Variants in CPE observed in about 807,000 individuals in gnomAD.
CPE encodes carboxypeptidase E.
A neutral mutation model predicts 53.5 loss-of-function variants in CPE; 17 were observed. The ratio of observed to expected loss-of-function variants is 0.32; its 90% CI spans 0.22 to 0.48. The LOEUF (loss-of-function observed/expected upper bound fraction) is 0.48. Among genes scored for constraint, CPE ranks in the 20% least tolerant of loss-of-function variants. The pLI is 0.99. For synonymous variants in CPE, 226 were observed against 228.8 expected, an observed-to-expected ratio of 0.99 and a Z score of 0.11; for missense variants, 524 against 614.7, an observed-to-expected ratio of 0.85 and a Z score of 1.56.
intron 3 of CPE, among the ~76,000 whole-genome samples, chr4:165,471,261 T>G (rs1055806791): frequency 6.6e-6 from 1 of 152,178 alleles, no homozygotes; most frequent in Non-Finnish European, 1.5e-5. Context: ...TACCCATTCC[T>G]CTTGTTTCTT....
intron 8 of CPE, among the ~76,000 whole-genome samples, chr4:165,497,082 C>T (rs1390068044): frequency 4.6e-5 from 7 of 152,008 alleles, no homozygotes; most frequent in African/African-American, 9.7e-5. Flanking sequence ...CCACCGTGCC[C>T]GGCTAATTTT....
intron 3 of CPE, among the ~76,000 whole-genome samples, chr4:165,473,493 A>G (rs181326144): frequency 3.9e-4 from 59 of 152,324 alleles, no homozygotes; most frequent in African/African-American, 1.3e-3. Flanking sequence ...CCCTCAAGAG[A>G]TTGCTCAGTT....
intron 1 of CPE, among the ~76,000 whole-genome samples, chr4:165,384,816 AG>A (rs1363501034): frequency 6.6e-6 from 1 of 152,188 alleles, no homozygotes; most frequent in Non-Finnish European, 1.5e-5. Flanking sequence ...CTTCAGGGGT[AG>A]GGAACATATG....
intron 6 of CPE, among the ~76,000 whole-genome samples, chr4:165,492,642 G>T (rs973280356): frequency 1.1e-4 from 17 of 152,150 alleles, no homozygotes; most frequent in African/African-American, 4.1e-4. Context: ...CAAGCAGGGG[G>T]TACGTGACTG....
At chr4:165,397,815 A>G (rs1393455497) in intron 1 of CPE, among the ~76,000 whole-genome samples, 1 of 151,782 alleles carries the variant, frequency 6.6e-6, no homozygotes, top group Non-Finnish European at 1.5e-5. Context: ...CCAACGTGGG[A>G]GGATTGCTTG....
intron 1 of CPE, among the ~76,000 whole-genome samples, chr4:165,417,489 A>C (rs1731144796): frequency 6.6e-6 from 1 of 152,180 alleles, no homozygotes; most frequent in South Asian, 2.1e-4. Context: ...AATTGACTTT[A>C]GGATTGTAAA....
At chr4:165,420,569 GT>G (rs67563190) in intron 1 of CPE, among the ~76,000 whole-genome samples, 44,859 of 150,032 alleles carry the variant, frequency 0.3, 6,718 homozygotes, top group Middle Eastern at 0.39. Flanking sequence ...TATTTTTTCT[GT>G]TTTTTTTCTG....
chr4:165,464,474 T>G lies in CPE; in HGVS notation c.392T>G (p.Leu131Arg). The change falls in exon 2 of 9, where the codon CTA (leucine) becomes CGA (arginine). Residue 131 changes from leucine to arginine, a missense_variant. Transcript: ENST00000402744. ...RELLIFLAQY[L>R]CNEYQKGNET... ...CTGCTCATTTTCTTGGCCCAGTACC[T>G]ATGCAACGAATACCAGAAGGGGAAC... The G allele has an allele frequency of 6.2e-7, 1 of 1,614,012 alleles. No individual in the cohort carries two copies. Among genetic ancestry groups the G allele is most frequent in the Non-Finnish European group, 8.5e-7 (1 of 1,179,936 alleles).
chr4:165,465,831 T>C (rs1732088128), intron 2 of CPE, among the ~76,000 whole-genome samples: 1 of 152,202 alleles, frequency 6.6e-6, no homozygotes, highest in Admixed American at 6.5e-5. Flanking sequence ...TCTTTAGTTA[T>C]TCTTCTAAAT....
At chr4:165,412,348 C>T (rs772770715) in intron 1 of CPE, among the ~76,000 whole-genome samples, 8 of 152,038 alleles carry the variant, frequency 5.3e-5, no homozygotes, top group Admixed American at 1.3e-4. Context: ...CTTACAATTA[C>T]GTAATCCTTT....
At chr4:165,425,379 C>A (rs985023829) in intron 1 of CPE, among the ~76,000 whole-genome samples, 3 of 152,080 alleles carry the variant, frequency 2.0e-5, no homozygotes, top group Admixed American at 2.0e-4. Flanking sequence ...CTTCTAGTTT[C>A]TTGAATTAAT....
chr4:165,403,275 G>A (rs2164864), intron 1 of CPE, among the ~76,000 whole-genome samples: 85,131 of 151,974 alleles, frequency 0.56, 24,505 homozygotes, highest in African/African-American at 0.7. Context: ...ATTGAAACCA[G>A]GAAAGGCTCA....
chr4:165,466,739 A>G (rs1732111087), intron 2 of CPE, among the ~76,000 whole-genome samples: 1 of 151,958 alleles, frequency 6.6e-6, no homozygotes, highest in African/African-American at 2.4e-5. Flanking sequence ...GATGGTCTTG[A>G]TCTCCTGACC....
At chr4:165,413,732 G>A (rs1731079061) in intron 1 of CPE, among the ~76,000 whole-genome samples, 1 of 152,194 alleles carries the variant, frequency 6.6e-6, no homozygotes, top group Admixed American at 6.5e-5. Context: ...CAGAGGAGGG[G>A]ACAACCAACA....
At chr4:165,423,576 G>T (rs1731264331) in intron 1 of CPE, among the ~76,000 whole-genome samples, 1 of 151,958 alleles carries the variant, frequency 6.6e-6, no homozygotes, top group African/African-American at 2.4e-5. Context: ...GTATATGCCA[G>T]AAGGTGAATT....
chr4:165,420,535 C>T (rs994465612), intron 1 of CPE, among the ~76,000 whole-genome samples: 2 of 151,214 alleles, frequency 1.3e-5, no homozygotes, highest in Non-Finnish European at 2.9e-5. Context: ...TTTATCATCT[C>T]CATTTTACAG....
intron 3 of CPE, among the ~76,000 whole-genome samples, chr4:165,475,763 G>C (rs560230020): frequency 2.6e-5 from 4 of 151,994 alleles, no homozygotes; most frequent in African/African-American, 7.2e-5. Context: ...TGTCCAGGAG[G>C]GCCATTAGTG....
At chr4:165,434,196 C>G (rs1168056100) in intron 1 of CPE, among the ~76,000 whole-genome samples, 2 of 152,250 alleles carry the variant, frequency 1.3e-5, no homozygotes, top group East Asian at 3.9e-4. Flanking sequence ...CCTTGCTAAA[C>G]TGTCAACTCC....
At chr4:165,437,831 A>T (rs1731535874) in intron 1 of CPE, among the ~76,000 whole-genome samples, 1 of 152,074 alleles carries the variant, frequency 6.6e-6, no homozygotes, top group South Asian at 2.1e-4. Context: ...TTCTGGATGT[A>T]GAAGGGGAGG....
Sources: gnomAD v4.1 joint callset for allele counts (sites outside exome capture counted in the v4.1 genomes callset) on GRCh38, gnomAD v4.1.1 for gene constraint, MANE v1.5 for transcripts, NCBI Gene and HGNC (gene_info 2026-07-23, HGNC 2026-07-21) for gene names.